The following CCAR1 variants were observed in gnomAD, a reference collection of about 807,000 sequenced individuals.
The protein encoded by CCAR1 is cell division cycle and apoptosis regulator protein 1.
A neutral mutation model predicts 163.8 loss-of-function variants in CCAR1; 78 were observed. That is an observed-to-expected ratio of 0.48 (90% CI 0.40 to 0.57). The LOEUF (loss-of-function observed/expected upper bound fraction) is 0.57, where lower values mean the gene tolerates loss of function less well. CCAR1 is among the 20% of genes least tolerant of loss of function. CCAR1 has a pLI of 0.00. For missense variants in CCAR1, 1,019 were observed against 1,365.2 expected (o/e 0.75, Z 4.00); for synonymous variants, 443 against 460.7 (o/e 0.96, Z 0.49).
chr10:68,768,638 A>T (rs80108495), intron 17 of CCAR1, among the ~76,000 whole-genome samples: 4 of 152,134 alleles, frequency 2.6e-5, no homozygotes, highest in African/African-American at 9.7e-5. Flanking sequence ...AGCAGTTGCC[A>T]TAAATTGAAG....
At chr10:68,769,412 GGAGTTCAAGA>G (rs1287083965) in intron 17 of CCAR1, among the ~76,000 whole-genome samples, 7 of 152,140 alleles carry the variant, frequency 4.6e-5, no homozygotes, top group Admixed American at 3.3e-4. Flanking sequence ...CCTGAGTTCA[GGAGTTCAAGA>G]CCAGCCTGAC....
At position 68,771,408 on chromosome 10, in the gene CCAR1, A is replaced by G. The variant is rs1419750145; in HGVS notation, c.2501A>G (p.Asp834Gly). Residue 834 changes from aspartate to glycine, a missense_variant, in exon 18 of 25, where the codon GAT becomes GGT. Asp to Gly is a moderately conservative substitution (Grantham distance 94). Transcript: ENST00000265872. ...EPKPKRRKSG[D>G]DKDKKEDRDE... ...AAACCCAAACGGAGAAAATCAGGCG[A>G]TGATAAAGATAAAAAAGAAGATAGA... 6.3e-7 allele frequency: 1 copy of G among 1,585,332 alleles called. No homozygotes were observed. Among genetic ancestry groups the G allele is most frequent in the South Asian group, 1.2e-5 (1 of 84,842 alleles).
intron 6 of CCAR1, among the ~76,000 whole-genome samples, chr10:68,744,953 G>A (rs1410431282): frequency 1.3e-5 from 2 of 151,710 alleles, no homozygotes; most frequent in South Asian, 2.1e-4. Flanking sequence ...ACCTCGTGTA[G>A]CTGGGCCATC....
chr10:68,726,572 T>G (rs771741292), intron 2 of CCAR1, among the ~76,000 whole-genome samples: 12 of 152,180 alleles, frequency 7.9e-5, no homozygotes, highest in Non-Finnish European at 1.2e-4. Context: ...TTAGTATTAT[T>G]ATTTTAAATT....
chr10:68,768,508 C>T (rs1039485365), intron 17 of CCAR1, among the ~76,000 whole-genome samples: 6 of 151,940 alleles, frequency 3.9e-5, no homozygotes, highest in Admixed American at 6.6e-5. Context: ...CTACTCAGGA[C>T]GCTGAGGCAG....
chr10:68,757,467 T>C (rs2056409498), intron 15 of CCAR1, 90 bp downstream of exon 15: 2 of 690,044 alleles, frequency 2.9e-6, no homozygotes, highest in Non-Finnish European at 5.0e-6. Flanking sequence ...CAGGCTGGAG[T>C]GTAGTGGCGC....
chr10:68,735,736 A>G lies in CCAR1; in HGVS notation c.74-1140A>G, dbSNP rs1337938053. ...TTTTTTCTTCAAAGACTAGACAAGC[A>G]TTGTAATCAGAAGGGGAAGAGTAGA... On this transcript the variant is annotated intron_variant, in intron 2 of 24. Coordinates refer to ENST00000265872, the MANE Select transcript of CCAR1 (RefSeq NM_018237.4). 4 of 152,236 alleles carry G rather than the reference A, an allele frequency of 2.6e-5. No homozygotes were observed. The East Asian group carries it at 5.8e-4, about 22-fold the overall frequency. 9.4% of individuals were successfully genotyped at this position (152,236 alleles called of 1,614,324 possible).
intron 18 of CCAR1, among the ~76,000 whole-genome samples, chr10:68,772,572 T>C (rs775100712): frequency 1.3e-5 from 2 of 152,008 alleles, no homozygotes; most frequent in Non-Finnish European, 2.9e-5. Flanking sequence ...AGTAATTTAA[T>C]GTGTGGTGGG....
chr10:68,725,072 T>G (rs2055921794), intron 2 of CCAR1, among the ~76,000 whole-genome samples: 1 of 152,030 alleles, frequency 6.6e-6, no homozygotes, highest in Non-Finnish European at 1.5e-5. Context: ...CGGCGGAGGT[T>G]GCGGTGAGCT....
At chr10:68,771,075 C>G in intron 17 of CCAR1, 131 bp from the exon 18 acceptor site, 2 of 685,084 alleles carry the variant, frequency 2.9e-6, no homozygotes, top group Non-Finnish European at 4.6e-6. Context: ...GAGACTCCAT[C>G]TCAAAAAAAA....
chr10:68,735,221 G>T (rs1019271316), intron 2 of CCAR1, among the ~76,000 whole-genome samples: 14 of 152,028 alleles, frequency 9.2e-5, no homozygotes, highest in African/African-American at 2.9e-4. Flanking sequence ...GGTGGCTTGC[G>T]CCTGTAGTCC....
intron 24 of CCAR1, among the ~76,000 whole-genome samples, chr10:68,790,420 A>G (rs898990848): frequency 1.3e-5 from 2 of 152,102 alleles, no homozygotes; most frequent in African/African-American, 4.8e-5. Context: ...GAATGTCAAC[A>G]TGATTTAAGT....
At chr10:68,728,037 A>T (rs2055973835) in intron 2 of CCAR1, among the ~76,000 whole-genome samples, 1 of 152,130 alleles carries the variant, frequency 6.6e-6, no homozygotes, top group South Asian at 2.1e-4. Flanking sequence ...CGGTTTCACC[A>T]TGTTGTCCAG....
chr10:68,772,794 T>C (rs2056619317), intron 18 of CCAR1, among the ~76,000 whole-genome samples, 194 bp from the exon 19 acceptor site: 1 of 149,494 alleles, frequency 6.7e-6, no homozygotes, highest in Non-Finnish European at 1.5e-5. Flanking sequence ...TAATAATATA[T>C]AATAATTGTT....
chr10:68,721,499 C>T (rs1228877299), intron 1 of CCAR1: 1 of 432,130 alleles, frequency 2.3e-6, no homozygotes, highest in Non-Finnish European at 4.6e-6. Flanking sequence ...CCCCACCGCT[C>T]GGCTCCTCAG....
At position 68,747,409 on chromosome 10, in the gene CCAR1, T is replaced by C. The variant is rs773665000; in HGVS notation, c.669T>C (p.Pro223=). ...QSQTQPLLKT[P]PAVLQPIAPQ... is the part of the protein sequence containing the mutation. Reference sequence around the variant, plus strand: ...AAACCCAGCCATTACTGAAGACTCCTCCTGCTGTACTTCAGCCAATTGCAC... The same window carrying C: ...AAACCCAGCCATTACTGAAGACTCCCCCTGCTGTACTTCAGCCAATTGCAC... Residue 223 remains proline, a synonymous_variant, in exon 8 of 25, where the codon CCT becomes CCC. Coordinates refer to ENST00000265872, the MANE Select transcript of CCAR1 (RefSeq NM_018237.4). 2 of 1,614,126 alleles carry C rather than the reference T, an allele frequency of 1.2e-6. No individual in the cohort carries two copies. Among genetic ancestry groups the C allele is most frequent in the African/African-American group, 2.7e-5 (2 of 75,024 alleles).
Position 68,756,929 on chromosome 10 carries a change from C to T in CCAR1, c.1837-365C>T, listed in dbSNP as rs1311622190. Among the ~76,000 whole-genome samples, 5 of 152,192 alleles carry T rather than the reference C, an allele frequency of 3.3e-5. No homozygotes were observed. The highest frequency in any genetic ancestry group is 4.8e-5 in the African/African-American group (2 of 41,438). ...TTTGAAATTTCAGGCTATGTGGCAACGTCTTTGGTACATTTCAAAGGTCTG... is the reference window on the plus strand; with the variant it reads ...TTTGAAATTTCAGGCTATGTGGCAATGTCTTTGGTACATTTCAAAGGTCTG... On this transcript the variant is annotated intron_variant, in intron 14 of 24. Coordinates refer to ENST00000265872, the MANE Select transcript of CCAR1 (RefSeq NM_018237.4). This position sits in a 1 kb window ranked among gnomAD's most constrained non-coding sequence, Gnocchi z 5.1.
At chr10:68,765,662 G>A (rs546274027) in intron 16 of CCAR1, among the ~76,000 whole-genome samples, 1 of 152,100 alleles carries the variant, frequency 6.6e-6, no homozygotes, top group East Asian at 1.9e-4. Context: ...AGTTTCTTAT[G>A]CTGGGAAATC....
At chr10:68,733,932 G>A (rs1298875911) in intron 2 of CCAR1, among the ~76,000 whole-genome samples, 2 of 152,116 alleles carry the variant, frequency 1.3e-5, no homozygotes, top group Admixed American at 6.6e-5. Flanking sequence ...CCAAAGTGCT[G>A]GGATTACAGG....
Sources: allele counts gnomAD v4.1 joint callset (sites outside exome capture counted in the v4.1 genomes callset), GRCh38; gene constraint gnomAD v4.1.1; non-coding constraint Gnocchi (gnomAD v3.1); transcripts MANE v1.5; gene names NCBI Gene and HGNC (gene_info 2026-07-23, HGNC 2026-07-21).